Variants in SHISA9 observed in about 807,000 individuals in gnomAD.
SHISA9 encodes the protein shisa family member 9.
SHISA9 carries 13 observed loss-of-function variants against 38.0 expected under a neutral mutation model. The ratio of observed to expected loss-of-function variants is 0.34; its 90% CI spans 0.22 to 0.54. The LOEUF is 0.54. SHISA9 is among the 20% of genes least tolerant of loss of function. The pLI is 0.91. For synonymous variants in SHISA9, 275 were observed against 242.0 expected, an observed-to-expected ratio of 1.14 and a Z score of -1.27; for missense variants, 538 against 575.8, an observed-to-expected ratio of 0.93 and a Z score of 0.67.
the SHISA9 span, among the ~76,000 whole-genome samples, chr16:13,451,207 G>C: frequency 1.3e-5 from 2 of 152,106 alleles, no homozygotes; most frequent in African/African-American, 2.4e-5. Context: ...GGAGTTCCCC[G>C]GGAGGATTAT....
At chr16:13,307,809 C>A in the SHISA9 span, among the ~76,000 whole-genome samples, 15 of 152,090 alleles carry the variant, frequency 9.9e-5, no homozygotes, top group Non-Finnish European at 1.5e-4. Context: ...AAACTTTTTG[C>A]CTTTAAAAAA....
chr16:13,250,218 C>A, the SHISA9 span, among the ~76,000 whole-genome samples: 22 of 152,130 alleles, frequency 1.4e-4, no homozygotes, highest in Admixed American at 4.6e-4. Flanking sequence ...GGACCCAGAC[C>A]CTCAGGTGTG....
chr16:13,350,315 G>C, the SHISA9 span: 3 of 152,250 alleles, frequency 2.0e-5, no homozygotes. Context: ...TACACCATCG[G>C]CTTCTTTGGT....
chr16:13,110,653 G>T (rs937646616), intron 2 of SHISA9, among the ~76,000 whole-genome samples: 2 of 152,194 alleles, frequency 1.3e-5, no homozygotes, highest in Non-Finnish European at 2.9e-5. Context: ...TCATCTGATG[G>T]TGTGACAGGT....
At chr16:13,287,777 C>A in the SHISA9 span, among the ~76,000 whole-genome samples, 2 of 152,218 alleles carry the variant, frequency 1.3e-5, no homozygotes, top group South Asian at 4.2e-4. Flanking sequence ...AGAAATTCAG[C>A]TGAACAATGA....
intron 2 of SHISA9, among the ~76,000 whole-genome samples, chr16:13,057,392 G>C (rs1255880523): frequency 3.9e-5 from 6 of 152,106 alleles, no homozygotes. Context: ...AATTGCCTGG[G>C]GGGTTTATTT....
rs1596593354 is a variant in SHISA9, at chr16:13,024,414, T to A, written c.691+107599T>A. On this transcript the variant is annotated intron_variant, in intron 2 of 4. Transcript: ENST00000558583. ...CCAGTTGGCCCAGAGCCTCTTGAGGTGGGGATGTGGTGACAGATTTTGGCT... is the reference window on the plus strand; with the variant it reads ...CCAGTTGGCCCAGAGCCTCTTGAGGAGGGGATGTGGTGACAGATTTTGGCT... Among the ~76,000 whole-genome samples the A allele has an allele frequency of 1.3e-5, 2 of 152,086 alleles. 1 individual carries two copies. The highest frequency in any genetic ancestry group is 4.1e-4 in the South Asian group (2 of 4,820).
At chr16:13,522,296 A>C in the SHISA9 span, among the ~76,000 whole-genome samples, 3 of 152,246 alleles carry the variant, frequency 2.0e-5, no homozygotes, top group South Asian at 6.2e-4. Flanking sequence ...ATAAGCTGGA[A>C]GCCTGTTGGG....
intron 2 of SHISA9, among the ~76,000 whole-genome samples, chr16:12,973,433 T>C (rs761033650): frequency 7.9e-5 from 12 of 152,178 alleles, no homozygotes; most frequent in Non-Finnish European, 7.3e-5. Context: ...CATAAAGATA[T>C]AGGCTACAGA....
At chr16:13,191,205 G>C (rs187511264) in intron 2 of SHISA9, among the ~76,000 whole-genome samples, 1 of 152,338 alleles carries the variant, frequency 6.6e-6, no homozygotes, top group East Asian at 1.9e-4. Flanking sequence ...CCAGAGCTCT[G>C]TTCTGATTTC....
At chr16:13,085,925 A>G (rs985794262) in intron 2 of SHISA9, among the ~76,000 whole-genome samples, 7 of 152,230 alleles carry the variant, frequency 4.6e-5, no homozygotes, top group Middle Eastern at 3.2e-3. Context: ...AAGAAACAAT[A>G]AAATAAGTTT....
chr16:13,471,746 A>C, the SHISA9 span, among the ~76,000 whole-genome samples: 1 of 152,230 alleles, frequency 6.6e-6, no homozygotes, highest in Non-Finnish European at 1.5e-5. Context: ...TAATTGCAGC[A>C]AAGCCTAGCC....
intron 2 of SHISA9, among the ~76,000 whole-genome samples, chr16:13,116,350 A>G (rs1291795372): frequency 6.6e-6 from 1 of 152,188 alleles, no homozygotes; most frequent in East Asian, 1.9e-4. Context: ...TCGGAAATAA[A>G]TACATGGTCT....
the SHISA9 span, chr16:13,562,837 G>C: frequency 6.6e-6 from 1 of 151,490 alleles, no homozygotes; most frequent in African/African-American, 2.4e-5. Flanking sequence ...CCGTGGCTTG[G>C]TTTCTTATTA....
chr16:13,391,322 A>G, the SHISA9 span, among the ~76,000 whole-genome samples: 6 of 152,194 alleles, frequency 3.9e-5, no homozygotes, highest in Admixed American at 3.3e-4. Flanking sequence ...CTCAGTTTCC[A>G]TCTGAGGTCT....
At chr16:13,216,971 C>G (rs1420129326) in intron 4 of SHISA9, among the ~76,000 whole-genome samples, 1 of 152,114 alleles carries the variant, frequency 6.6e-6, no homozygotes, top group Non-Finnish European at 1.5e-5. Context: ...CCTGTCACAC[C>G]TGTTTAAAGT....
the SHISA9 span, among the ~76,000 whole-genome samples, chr16:13,539,799 G>T: frequency 6.6e-6 from 1 of 152,016 alleles, no homozygotes; most frequent in Non-Finnish European, 1.5e-5. Context: ...CCTTCTTTGT[G>T]TCCATGTGTA....
Position 13,087,255 on chromosome 16 carries a change from C to G in SHISA9, c.692-116139C>G, listed in dbSNP as rs369294855. On this transcript the variant is annotated intron_variant, in intron 2 of 4. Coordinates refer to ENST00000558583, the MANE Select transcript of SHISA9 (RefSeq NM_001145204.3). ...ATGGACATTTGGGTTGGTTCCAAGTCTTTGCTATTGTGAATAGTGCCGCAA... is the reference window on the plus strand; with the variant it reads ...ATGGACATTTGGGTTGGTTCCAAGTGTTTGCTATTGTGAATAGTGCCGCAA... Among the ~76,000 whole-genome samples the G allele has an allele frequency of 2.6e-3, 367 of 142,912 alleles. 2 individuals are homozygous for G. The highest frequency in any genetic ancestry group is 8.8e-3 in the South Asian group (40 of 4,522). 93.8% of individuals were successfully genotyped at this position (142,912 alleles called of 152,430 possible).
the SHISA9 span, among the ~76,000 whole-genome samples, chr16:13,257,039 A>T: frequency 6.6e-6 from 1 of 152,190 alleles, no homozygotes; most frequent in Non-Finnish European, 1.5e-5. Context: ...CAACTTTAGA[A>T]ATTATGTCAG....
Sources: allele counts gnomAD v4.1 joint callset (sites outside exome capture counted in the v4.1 genomes callset), GRCh38; gene constraint gnomAD v4.1.1; transcripts MANE v1.5; gene names NCBI Gene and HGNC (gene_info 2026-07-23, HGNC 2026-07-21).